The following TMEM87B variants were observed in gnomAD, a reference collection of about 807,000 sequenced individuals.
TMEM87B encodes the protein transmembrane protein 87B.
In TMEM87B, 83 loss-of-function variants were observed where a neutral mutation model predicts 80.3. The observed-to-expected ratio is 1.03, with a 90% CI of 0.87 to 1.24. The LOEUF (loss-of-function observed/expected upper bound fraction) is 1.24, where lower values mean the gene tolerates loss of function less well. TMEM87B is among the 50% of genes most tolerant of loss of function. The pLI is 0.00. For missense variants in TMEM87B, 625 were observed against 674.4 expected (o/e 0.93, Z 0.81); for synonymous variants, 219 against 230.5 (o/e 0.95, Z 0.45).
rs559595056 is a variant in TMEM87B, at chr2:112,117,367, T to G, written c.*1224T>G. 2 of 151,696 alleles carry G rather than the reference T, an allele frequency of 1.3e-5. No individual in the cohort carries two copies. Among genetic ancestry groups the G allele is most frequent in the Admixed American group, 6.7e-5 (1 of 14,990 alleles). 9.4% of individuals were successfully genotyped at this position (151,696 alleles called of 1,614,324 possible). The stretch of plus-strand genomic sequence containing the variant: ...TGAGAATGACTTCAGAGAATTTTGA[T>G]TAAGAAAACATTAAAATCTTAACCG... On this transcript the variant is annotated 3_prime_UTR_variant, in exon 19 of 19. Coordinates refer to ENST00000283206, the MANE Select transcript of TMEM87B (RefSeq NM_032824.3).
chr2:112,096,959 G>A, intron 11 of TMEM87B, 85 bp from the exon 12 acceptor site: 1 of 926,102 alleles, frequency 1.1e-6, no homozygotes, highest in Non-Finnish European at 1.7e-6. Context: ...TAGCAGTACT[G>A]ACTTTGGGAA....
At chr2:112,115,808 A>T in intron 18 of TMEM87B, among the ~76,000 whole-genome samples, 1 of 152,054 alleles carries the variant, frequency 6.6e-6, no homozygotes, top group Non-Finnish European at 1.5e-5. Context: ...TTTAATTTTT[A>T]AATTTTTTAT....
At chr2:112,071,068 A>T (rs930192422) in intron 4 of TMEM87B, among the ~76,000 whole-genome samples, 1 of 149,826 alleles carries the variant, frequency 6.7e-6, no homozygotes, top group Non-Finnish European at 1.5e-5. Flanking sequence ...TTCATGATCC[A>T]CCCGCCTCGG....
Position 112,097,264 on chromosome 2 carries a change from G to C in TMEM87B, c.1245G>C (p.Lys415Asn). 1 of 1,607,808 alleles carries C rather than the reference G, an allele frequency of 6.2e-7. No homozygotes were observed. Among genetic ancestry groups the C allele is most frequent in the Non-Finnish European group, 8.5e-7 (1 of 1,178,374 alleles). The change falls in exon 13 of 19, where the codon AAG becomes AAC. Residue 415 changes from lysine (K) to asparagine (N), a missense_variant. Transcript: ENST00000283206. The part of the protein sequence containing the change: ...ASIVFMGWTT[K>N]TFRIAKCQSD... ...TAGTGTTTATGGGGTGGACAACTAA[G>C]ACATTTAGAATTGCAAAATGCCAAT...
Position 112,097,043 on chromosome 2 carries a change from C to T in TMEM87B, c.1105-1C>T, listed in dbSNP as rs1161232108. ...GAATGTTTTTCCTTAACTTTTTTCA[C>T]ATTTTTATTAGTTTGGCACAAACTA... On this transcript the variant is annotated splice_acceptor_variant, in intron 11 of 18. Transcript: ENST00000283206. LOFTEE classifies it high-confidence loss of function. 1 of 1,565,032 alleles carries T rather than the reference C, an allele frequency of 6.4e-7. No homozygotes were observed. The highest frequency in any genetic ancestry group is 8.6e-7 in the Non-Finnish European group (1 of 1,156,544).
intron 17 of TMEM87B, 55 bp downstream of exon 17, chr2:112,107,895 G>A (rs970243345): frequency 2.4e-6 from 3 of 1,247,804 alleles, no homozygotes; most frequent in Non-Finnish European, 3.4e-6. Flanking sequence ...AGTTTAAAAG[G>A]GATCGTTCTC....
At chr2:112,086,533 C>T (rs1051998002) in intron 9 of TMEM87B, among the ~76,000 whole-genome samples, 21 of 152,308 alleles carry the variant, frequency 1.4e-4, no homozygotes, top group East Asian at 1.9e-4. Flanking sequence ...GGACCTTCTC[C>T]GGCGGGTCTT....
chr2:112,098,440 A>T (rs1011411983), intron 13 of TMEM87B, among the ~76,000 whole-genome samples, 155 bp from the exon 14 acceptor site: 4 of 152,234 alleles, frequency 2.6e-5, no homozygotes, highest in Admixed American at 2.6e-4. Flanking sequence ...ATTTTGAACA[A>T]TATAGGTTTC....
At chr2:112,075,469 T>C (rs931337634) in intron 5 of TMEM87B, among the ~76,000 whole-genome samples, 2 of 152,218 alleles carry the variant, frequency 1.3e-5, no homozygotes, top group Non-Finnish European at 2.9e-5. Flanking sequence ...TCTAAAAATA[T>C]CCTTAAAGCA....
Position 112,117,996 on chromosome 2 carries a change from A to G in TMEM87B, c.*1853A>G, listed in dbSNP as rs1010475473. On this transcript the variant is annotated 3_prime_UTR_variant, in exon 19 of 19. Transcript: ENST00000283206. ...TGACAGAATCTCAGTAATGTTTACC[A>G]AAACATGTCTTTCTACAGCTGGTAG... The G allele has an allele frequency of 6.6e-6, 1 of 152,102 alleles. No individual in the cohort carries two copies. Among genetic ancestry groups the G allele is most frequent in the Non-Finnish European group, 1.5e-5 (1 of 68,032 alleles). 9.4% of individuals were successfully genotyped at this position (152,102 alleles called of 1,614,324 possible). A position where few individuals can be genotyped will look rare whatever the true frequency, so the allele number is the denominator to read the frequency against.
At chr2:112,096,870 A>G (rs1199441952) in intron 11 of TMEM87B, among the ~76,000 whole-genome samples, 174 bp from the exon 12 acceptor site, 1 of 152,236 alleles carries the variant, frequency 6.6e-6, no homozygotes, top group Non-Finnish European at 1.5e-5. Context: ...AATCTGTGAT[A>G]AAGTATAATG....
At chr2:112,077,562 A>AT (rs1678863032) in intron 6 of TMEM87B, among the ~76,000 whole-genome samples, 1 of 152,168 alleles carries the variant, frequency 6.6e-6, no homozygotes, top group African/African-American at 2.4e-5. Context: ...GATTAAAAAA[A>AT]TTTTTTTAAC....
In TMEM87B at chr2:112,095,165, C is replaced by CTTTTTTTTTTTTTTTTTTTTTTT. The variant is rs749222333; in HGVS notation, c.1105-1854_1105-1832dup. On this transcript the variant is annotated intron_variant, in intron 11 of 18. Coordinates refer to ENST00000283206, the MANE Select transcript of TMEM87B (RefSeq NM_032824.3). ...CGTTTCTCTTTTCTTTTCTTTCTTT[C>CTTTTTTTTTTTTTTTTTTTTTTT]TTTTTTTTTTTTTTTTTTTTTTTTT... The CTTTTTTTTTTTTTTTTTTTTTTT allele has an allele frequency of 4.8e-5, 26 of 540,882 alleles. 5 individuals carry two copies. Among genetic ancestry groups the CTTTTTTTTTTTTTTTTTTTTTTT allele is most frequent in the African/African-American group, 1.8e-4 (4 of 22,598 alleles). The allele number at this position is 540,882 out of a possible 1,614,324, so 33.5% of individuals were successfully genotyped here.
rs756433415 is a variant in TMEM87B at position 112,100,702 on chromosome 2, AAT to A, written c.1450+10_1450+11del. The A allele has an allele frequency of 2.6e-6, 4 of 1,566,764 alleles. No individual in the cohort carries two copies. Among genetic ancestry groups the A allele is most frequent in the Non-Finnish European group, 3.5e-6 (4 of 1,139,050 alleles). On this transcript the variant is annotated splice_region_variant and intron_variant, in intron 15 of 18. Transcript: ENST00000283206. ...GTAACTTCTGAAAATTTAAGTGAGT[AAT>A]ATGTTTTCTTTTTAAATGACCATTG...
intron 14 of TMEM87B, among the ~76,000 whole-genome samples, chr2:112,098,911 G>T (rs904025727): frequency 3.9e-5 from 6 of 152,202 alleles, no homozygotes; most frequent in Non-Finnish European, 7.3e-5. Flanking sequence ...AAGACTTCTT[G>T]AAGCGACAGC....
chr2:112,062,137 A>C (rs911230069), intron 2 of TMEM87B, among the ~76,000 whole-genome samples: 1 of 152,244 alleles, frequency 6.6e-6, no homozygotes, highest in Non-Finnish European at 1.5e-5. Context: ...GAGCATTCTA[A>C]TGTACACATC....
In TMEM87B at chr2:112,091,775, G is replaced by T. The variant is rs370938750; in HGVS notation, c.1096G>T (p.Val366Leu). Residue 366 changes from valine to leucine, a missense_variant, in exon 11 of 19, where the codon GTG becomes TTG. Transcript: ENST00000283206. Reference protein sequence around the residue: ...IILAVIDSIFVWFIFISLAQT... With the variant: ...IILAVIDSIFLWFIFISLAQT... ...TTTAGCAGTTATTGACTCCATTTTT[G>T]TGTGGTTCATATCCTTTACTGTGTC... The T allele has an allele frequency of 1.2e-6, 2 of 1,610,548 alleles. No individual in the cohort carries two copies. Among genetic ancestry groups the T allele is most frequent in the African/African-American group, 1.3e-5 (1 of 74,806 alleles).
At chr2:112,095,586 G>A (rs1216182480) in intron 11 of TMEM87B, 1 of 619,966 alleles carries the variant, frequency 1.6e-6, no homozygotes, top group Non-Finnish European at 2.0e-6. Context: ...AAGGAATAAA[G>A]TATATTTGCA....
At chr2:112,100,963 G>A (rs1422150680) in intron 15 of TMEM87B, among the ~76,000 whole-genome samples, 1 of 152,098 alleles carries the variant, frequency 6.6e-6, no homozygotes, top group African/African-American at 2.4e-5. Context: ...GATGTATATT[G>A]TGCTTAGCTG....
Sources: allele counts gnomAD v4.1 joint callset (sites outside exome capture counted in the v4.1 genomes callset), GRCh38; gene constraint gnomAD v4.1.1; transcripts MANE v1.5; gene names NCBI Gene and HGNC (gene_info 2026-07-23, HGNC 2026-07-21).